Variants in CDC42BPB observed in about 807,000 individuals in gnomAD.
The protein encoded by CDC42BPB is CDC42 binding protein kinase beta.
In CDC42BPB, 37 loss-of-function variants were observed where a neutral mutation model predicts 214.9. The ratio of observed to expected loss-of-function variants is 0.17; its 90% CI spans 0.13 to 0.23. CDC42BPB has a LOEUF of 0.23. CDC42BPB is among the 10% of genes least tolerant of loss of function. The pLI is 1.00. For synonymous variants in CDC42BPB, 931 were observed against 884.0 expected, an observed-to-expected ratio of 1.05 and a Z score of -0.94; for missense variants, 1,694 against 2,227.0, an observed-to-expected ratio of 0.76 and a Z score of 4.82.
Position 103,012,382 on chromosome 14 carries a change from C to T in CDC42BPB, c.176-194G>A, listed in dbSNP as rs144623668. The T allele has an allele frequency of 5.7e-4, 379 of 663,844 alleles. 1 individual carries two copies. The highest frequency in any genetic ancestry group is 6.4e-4 in the Non-Finnish European group (343 of 536,920). 41.1% of individuals were successfully genotyped at this position (663,844 alleles called of 1,614,324 possible). ...TGTGGATCCTGAGCAACTGCAGCCA[C>T]GCACTGGGTAACACTGTTGCAGCCA... On this transcript the variant is annotated intron_variant, in intron 1 of 36. Coordinates refer to ENST00000361246, the MANE Select transcript of CDC42BPB (RefSeq NM_006035.4).
At chr14:102,966,603 GA>G (rs1425689926) in intron 17 of CDC42BPB, 6 of 755,220 alleles carry the variant, frequency 7.9e-6, no homozygotes, top group Non-Finnish European at 9.7e-6. Context: ...AAACTTCCAA[GA>G]CTCAAGAATG....
intron 1 of CDC42BPB, among the ~76,000 whole-genome samples, chr14:103,033,009 T>A (rs1348018803): frequency 6.6e-6 from 1 of 152,042 alleles, no homozygotes; most frequent in Non-Finnish European, 1.5e-5. Context: ...TTTAATGTCA[T>A]ATTATTATGG....
chr14:103,037,450 T>C (rs1049935444), intron 1 of CDC42BPB, among the ~76,000 whole-genome samples: 3 of 152,128 alleles, frequency 2.0e-5, no homozygotes, highest in African/African-American at 7.2e-5. Flanking sequence ...TGCACCACCA[T>C]GCCCAGCTAA....
chr14:103,008,419 C>T (rs1325671381), intron 3 of CDC42BPB, 53 bp downstream of exon 3: 1 of 1,203,062 alleles, frequency 8.3e-7, no homozygotes, highest in African/African-American at 1.5e-5. Context: ...TTCACAGTCA[C>T]TTTCTGCTCA....
intron 11 of CDC42BPB, 43 bp downstream of exon 11, chr14:102,975,641 G>T: frequency 6.3e-7 from 1 of 1,597,018 alleles, no homozygotes; most frequent in South Asian, 1.1e-5. Context: ...AGACAGTAAT[G>T]ACCAAAAATA....
At chr14:102,933,956 CCCTT>C (rs1413916947) in intron 36 of CDC42BPB, 113 bp from the exon 37 acceptor site, 1 of 1,422,214 alleles carries the variant, frequency 7.0e-7, no homozygotes, top group Non-Finnish European at 9.1e-7. Flanking sequence ...CTGCTCTTCT[CCCTT>C]CATGTTATGA....
intron 12 of CDC42BPB, among the ~76,000 whole-genome samples, chr14:102,972,895 C>G (rs1412085308): frequency 6.6e-6 from 1 of 152,120 alleles, no homozygotes. Context: ...AAAAAGAACA[C>G]ATATGACACA....
chr14:102,998,088 C>A (rs1894822781), intron 5 of CDC42BPB, among the ~76,000 whole-genome samples: 1 of 152,156 alleles, frequency 6.6e-6, no homozygotes, highest in Admixed American at 6.6e-5. Flanking sequence ...AATCACGCCA[C>A]TGCACTCCAG....
At position 102,976,231 on chromosome 14, in the gene CDC42BPB, G is replaced by A. The variant is rs190102763; in HGVS notation, c.1221-182C>T. The A allele has an allele frequency of 2.4e-4, 240 of 985,086 alleles. 3 individuals carry two copies. The Middle Eastern group carries it at 2.6e-3, about 11-fold the overall frequency. 61.0% of individuals were successfully genotyped at this position (985,086 alleles called of 1,614,324 possible). ...GTGACCAGATGGTCAAGGAGACACTGACAAGGGCCCTCCCCATCGCTGGTC... is the reference window on the plus strand; with the variant it reads ...GTGACCAGATGGTCAAGGAGACACTAACAAGGGCCCTCCCCATCGCTGGTC... On this transcript the variant is annotated intron_variant, in intron 9 of 36. Transcript: ENST00000361246.
At position 102,945,643 on chromosome 14, in the gene CDC42BPB, A is replaced by C. The variant is rs766028574; in HGVS notation, c.3811+19T>G. The stretch of plus-strand genomic sequence containing the variant: ...CTGGGCCTGTGACATCCCAGGCTGG[A>C]AACGCCCTGCTCACTCACCATCTCG... On this transcript the variant is annotated intron_variant, in intron 29 of 36. Transcript: ENST00000361246. 4 of 1,611,350 alleles carry C rather than the reference A, an allele frequency of 2.5e-6. No homozygotes were observed. Among genetic ancestry groups the C allele is most frequent in the Admixed American group, 3.3e-5 (2 of 60,012 alleles).
chr14:103,032,070 C>G (rs1427584488), intron 1 of CDC42BPB, among the ~76,000 whole-genome samples: 2 of 151,768 alleles, frequency 1.3e-5, no homozygotes, highest in Non-Finnish European at 2.9e-5. Flanking sequence ...AGAGCACCAG[C>G]CGGCGGCCAG....
At chr14:102,978,036 T>TG in intron 9 of CDC42BPB, 90 bp downstream of exon 9, 1 of 1,015,688 alleles carries the variant, frequency 9.8e-7, no homozygotes, top group Non-Finnish European at 1.5e-6. Context: ...CACCACCCAC[T>TG]AGCCCGCCCC....
At chr14:103,003,856 A>T (rs961065500) in intron 4 of CDC42BPB, 72 bp downstream of exon 4, 4 of 1,266,936 alleles carry the variant, frequency 3.2e-6, no homozygotes. Flanking sequence ...GTCTGACTGA[A>T]TTTTTAGTGA....
chr14:102,936,461 CA>C (rs1891651019), intron 36 of CDC42BPB, among the ~76,000 whole-genome samples: 2 of 152,270 alleles, frequency 1.3e-5, no homozygotes, highest in Non-Finnish European at 2.9e-5. Context: ...GGGTGAGCCA[CA>C]AAACAGTATG....
At chr14:103,051,500 T>C (rs1888606243) in intron 1 of CDC42BPB, among the ~76,000 whole-genome samples, 2 of 152,220 alleles carry the variant, frequency 1.3e-5, no homozygotes, top group Admixed American at 1.3e-4. Context: ...TTAATATAGT[T>C]TGGAATTAAC....
intron 5 of CDC42BPB, among the ~76,000 whole-genome samples, chr14:102,987,454 C>A (rs775512090): frequency 6.6e-6 from 1 of 152,140 alleles, no homozygotes; most frequent in Non-Finnish European, 1.5e-5. Context: ...ATGTTCCCAG[C>A]GGCACCACTT....
chr14:102,975,708 C>T lies in CDC42BPB; in HGVS notation c.1483G>A (p.Glu495Lys), dbSNP rs751814078. 6.2e-7 allele frequency: 1 copy of T among 1,614,038 alleles called. No homozygotes were observed. Among genetic ancestry groups the T allele is most frequent in the Non-Finnish European group, 8.5e-7 (1 of 1,179,948 alleles). ...KEIKKLNEEI[E>K]RLKNKIADSN... ...CCTGCTATTTTATTCTTCAAGCGTT[C>T]GATTTCTTCATTTAGCTTTTTGATT... The change falls in exon 11 of 37, where the codon GAA becomes AAA. Residue 495 changes from glutamate (E) to lysine (K), a missense_variant. Transcript: ENST00000361246.
chr14:102,964,581 G>C lies in CDC42BPB; in HGVS notation c.2647C>G (p.Leu883Val). ...TGCTTGGCCCGGATCTCCGCCTCCA[G>C]GGCCGACTGCAGCTCCAGCCGCGCG... ...MSARLELQSALEAEIRAKQLV... is the reference protein window; with the variant it reads ...MSARLELQSAVEAEIRAKQLV... Residue 883 changes from leucine to valine, a missense_variant, in exon 19 of 37, where the codon CTG becomes GTG. By Grantham distance (32) the Leu-to-Val change is conservative. Transcript: ENST00000361246. 1 of 1,613,934 alleles carries C rather than the reference G, an allele frequency of 6.2e-7. No homozygotes were observed. The highest frequency in any genetic ancestry group is 8.5e-7 in the Non-Finnish European group (1 of 1,180,006).
intron 1 of CDC42BPB, among the ~76,000 whole-genome samples, chr14:103,040,204 C>G (rs561054154): frequency 5.3e-5 from 8 of 151,930 alleles, no homozygotes; most frequent in African/African-American, 1.9e-4. Context: ...AAAATACAAA[C>G]ATTAGCCAGG....
Sources: allele counts gnomAD v4.1 joint callset (sites outside exome capture counted in the v4.1 genomes callset), GRCh38; gene constraint gnomAD v4.1.1; transcripts MANE v1.5; gene names NCBI Gene and HGNC (gene_info 2026-07-23, HGNC 2026-07-21).